Variants in ST6GALNAC4 observed in about 807,000 individuals in gnomAD.
ST6GALNAC4 encodes ST6 N-acetylgalactosaminide alpha-2,6-sialyltransferase 4.
Under a neutral mutation model 30.4 loss-of-function variants are expected in ST6GALNAC4, and 24 were observed. The observed-to-expected ratio is 0.79, with a 90% CI of 0.57 to 1.11. The LOEUF (loss-of-function observed/expected upper bound fraction) is 1.11, where lower values mean the gene tolerates loss of function less well. Among genes scored for constraint, ST6GALNAC4 ranks in the 50% most tolerant of loss-of-function variants. ST6GALNAC4 has a pLI of 0.00. For missense variants in ST6GALNAC4, 365 were observed against 430.1 expected, an observed-to-expected ratio of 0.85 and a Z score of 1.34; for synonymous variants, 156 against 179.7, an observed-to-expected ratio of 0.87 and a Z score of 1.05.
chr9:127,912,175 G>GCC, intron 4 of ST6GALNAC4, 93 bp downstream of exon 4: 1 of 1,487,476 alleles, frequency 6.7e-7, no homozygotes, highest in East Asian at 2.3e-5. Flanking sequence ...GACCTCCCGG[G>GCC]CCTGACAGAG....
At chr9:127,910,471 C>T in intron 4 of ST6GALNAC4, 1 of 1,024,032 alleles carries the variant, frequency 9.8e-7, no homozygotes, top group Non-Finnish European at 1.2e-6. Context: ...CACTTGAACC[C>T]TGGCTCTGCT....
rs528535802 is a variant in ST6GALNAC4, at chr9:127,914,485, C to T, written c.198+171G>A. ...TAGCCTGGGAGAAACAGAAAGACTC[C>T]GTCTCAAAAAAAAAAAAAAAAAAAA... is the stretch of plus-strand genomic sequence containing the variant. On this transcript the variant is annotated intron_variant, in intron 3 of 5. Coordinates refer to ENST00000335791, the MANE Select transcript of ST6GALNAC4 (RefSeq NM_175039.4). Among the ~76,000 whole-genome samples the T allele has an allele frequency of 1.6e-3, 142 of 87,198 alleles. 1 individual carries two copies. Among genetic ancestry groups the T allele is most frequent in the African/African-American group, 5.8e-3 (138 of 23,808 alleles). The allele number at this position is 87,198 out of a possible 152,430, so 57.2% of individuals were successfully genotyped here.
chr9:127,916,133 C>G, intron 2 of ST6GALNAC4: 1 of 558,948 alleles, frequency 1.8e-6, no homozygotes, highest in Non-Finnish European at 3.2e-6. Context: ...CTGAACTTCA[C>G]AACCCCAGTT....
chr9:127,912,335 A>G lies in ST6GALNAC4; in HGVS notation c.544T>C (p.Tyr182His), dbSNP rs1251594440. Residue 182 changes from tyrosine (Y) to histidine (H), a missense_variant, in exon 4 of 6, where the codon TAC (tyrosine) becomes CAC (histidine). Physicochemically the swap from Tyr to His is moderately conservative, Grantham distance 83 (BLOSUM62 2). Transcript: ENST00000335791. ...GCCATCATGCGCTCCGTGAAGGTGT[A>G]CACCTGCAGGCCGGGGTACATCCTG... ...LTRMYPGLQV[Y>H]TFTERMMAYC... 1 of 1,613,970 alleles carries G rather than the reference A, an allele frequency of 6.2e-7. No individual in the cohort carries two copies. The highest frequency in any genetic ancestry group is 8.5e-7 in the Non-Finnish European group (1 of 1,180,028).
Position 127,914,708 on chromosome 9 carries a change from G to A in ST6GALNAC4, c.146C>T (p.Thr49Ile), listed in dbSNP as rs1450057961. 2 of 1,612,826 alleles carry A rather than the reference G, an allele frequency of 1.2e-6. No homozygotes were observed. Among genetic ancestry groups the A allele is most frequent in the Admixed American group, 1.7e-5 (1 of 59,928 alleles). Residue 49 changes from threonine (T) to isoleucine (I), a missense_variant, in exon 3 of 6, where the codon ACT (threonine) becomes ATT (isoleucine). By Grantham distance (89) the Thr-to-Ile change is moderately conservative. Transcript: ENST00000335791. ...DHHFPTGSRP[T>I]VPGPLHFSGY... is the part of the protein sequence containing the mutation. Reference sequence around the variant, plus strand: ...ACTGAAGTGCAGGGGTCCCGGCACAGTGGGCCTGGAGCCTGTGGGGAAGTG... The same window carrying A: ...ACTGAAGTGCAGGGGTCCCGGCACAATGGGCCTGGAGCCTGTGGGGAAGTG...
chr9:127,913,920 G>T (rs947873354), intron 3 of ST6GALNAC4, among the ~76,000 whole-genome samples: 1 of 152,220 alleles, frequency 6.6e-6, no homozygotes, highest in South Asian at 2.1e-4. Flanking sequence ...CCGAGCGCAT[G>T]ATGGCCTACT....
chr9:127,914,407 A>AG (rs1308549640), intron 3 of ST6GALNAC4, among the ~76,000 whole-genome samples: 1 of 149,372 alleles, frequency 6.7e-6, no homozygotes, highest in Non-Finnish European at 1.5e-5. Context: ...AAAAAAAAAA[A>AG]AAATCTCTTT....
At chr9:127,913,840 G>A (rs919164050) in intron 3 of ST6GALNAC4, among the ~76,000 whole-genome samples, 3 of 152,074 alleles carry the variant, frequency 2.0e-5, no homozygotes, top group Non-Finnish European at 4.4e-5. Context: ...CGGGGTGCTC[G>A]GCGGCCACAC....
chr9:127,914,680 T>C lies in ST6GALNAC4; in HGVS notation c.174A>G (p.Gly58=). 1 of 1,612,786 alleles carries C rather than the reference T, an allele frequency of 6.2e-7. No homozygotes were observed. Among genetic ancestry groups the C allele is most frequent in the Non-Finnish European group, 8.5e-7 (1 of 1,179,418 alleles). ...PTVPGPLHFS[G]YSSVPDGKPL... is the part of the protein sequence containing the mutation. ...CCTTCCCATCTGGCACACTGCTATA[T>C]CCACTGAAGTGCAGGGGTCCCGGCA... The change falls in exon 3 of 6, where the codon GGA becomes GGG. Residue 58 remains glycine (G), a synonymous_variant. Transcript: ENST00000335791.
At position 127,914,716 on chromosome 9, in the gene ST6GALNAC4, G is replaced by A; in HGVS notation, c.138C>T (p.Ser46=). ...GCAGGGGTCCCGGCACAGTGGGCCT[G>A]GAGCCTGTGGGGAAGTGGTGGTCCA... ...TCLDHHFPTG[S]RPTVPGPLHF... is the part of the protein sequence containing the mutation. The change falls in exon 3 of 6, where the codon TCC becomes TCT. Residue 46 remains serine (S), a synonymous_variant. Transcript: ENST00000335791. 2 of 1,611,918 alleles carry A rather than the reference G, an allele frequency of 1.2e-6. No homozygotes were observed. Among genetic ancestry groups the A allele is most frequent in the Non-Finnish European group, 1.7e-6 (2 of 1,178,952 alleles).
intron 4 of ST6GALNAC4, among the ~76,000 whole-genome samples, 187 bp downstream of exon 4, chr9:127,912,081 C>T (rs1004443389): frequency 6.6e-6 from 1 of 152,228 alleles, no homozygotes; most frequent in African/African-American, 2.4e-5. Context: ...GATTCTAGAT[C>T]TGTGTGACAG....
intron 2 of ST6GALNAC4, among the ~76,000 whole-genome samples, chr9:127,915,684 T>G (rs1186644240): frequency 2.6e-5 from 4 of 152,106 alleles, no homozygotes; most frequent in Non-Finnish European, 5.9e-5. Context: ...GGGGAAGGGC[T>G]TGGTGGCAGC....
rs1163764125 is a variant in ST6GALNAC4 at position 127,916,827 on chromosome 9, T to A, written c.-77A>T. 1 of 257,854 alleles carries A rather than the reference T, an allele frequency of 3.9e-6. No homozygotes were observed. The highest frequency in any genetic ancestry group is 2.2e-5 in the African/African-American group (1 of 45,374). 16.0% of individuals were successfully genotyped at this position (257,854 alleles called of 1,614,324 possible). ...GGAATTCCACCCCATCCATCCTACC[T>A]CTCTACCCGGGGGACGAATGGAGAG... is the stretch of plus-strand genomic sequence containing the variant. On this transcript the variant is annotated splice_region_variant and 5_prime_UTR_variant, in exon 1 of 6. Transcript: ENST00000335791.
chr9:127,914,861 T>C lies in ST6GALNAC4; in HGVS notation c.13-20A>G. The C allele has an allele frequency of 6.2e-6, 9 of 1,451,224 alleles. No homozygotes were observed. Among genetic ancestry groups the C allele is most frequent in the Non-Finnish European group, 8.2e-6 (9 of 1,095,318 alleles). The allele number at this position is 1,451,224 out of a possible 1,614,324, so 89.9% of individuals were successfully genotyped here. A position where few individuals can be genotyped will look rare whatever the true frequency, so the allele number is the denominator to read the frequency against. ...CCGACCCTGAGGGAGACAGTGGCCA[T>C]GGGGGGGTGTATGTGGGGAGGGGCT... On this transcript the variant is annotated intron_variant, in intron 2 of 5. Coordinates refer to ENST00000335791, the MANE Select transcript of ST6GALNAC4 (RefSeq NM_175039.4).
chr9:127,915,035 A>T (rs1006264135), intron 2 of ST6GALNAC4, among the ~76,000 whole-genome samples, 194 bp from the exon 3 acceptor site: 13 of 152,162 alleles, frequency 8.5e-5, no homozygotes, highest in Admixed American at 8.5e-4. Flanking sequence ...AAGGCCCCGG[A>T]GATAACACTG....
At chr9:127,916,045 T>C (rs1564133445) in intron 2 of ST6GALNAC4, 1 of 368,410 alleles carries the variant, frequency 2.7e-6, no homozygotes, top group African/African-American at 2.1e-5. Flanking sequence ...ACTCAGGCAG[T>C]CGAGATGAAC....
chr9:127,910,041 A>G lies in ST6GALNAC4; in HGVS notation c.629T>C (p.Phe210Ser). ...CATGGTGAACCAGCCGGTGCTGAGG[A>G]AGGAGCCCGACTGCCTCCTGGGGGT... ...TGKNRRQSGS[F>S]LSTGWFTMIL... Residue 210 changes from phenylalanine (F) to serine (S), a missense_variant, in exon 5 of 6, where the codon TTC becomes TCC. Coordinates refer to ENST00000335791, the MANE Select transcript of ST6GALNAC4 (RefSeq NM_175039.4). 6.2e-7 allele frequency: 1 copy of G among 1,613,418 alleles called. No individual in the cohort carries two copies. The highest frequency in any genetic ancestry group is 8.5e-7 in the Non-Finnish European group (1 of 1,179,916).
chr9:127,908,601 G>T lies in ST6GALNAC4; in HGVS notation c.720-20C>A, dbSNP rs757067415. The T allele has an allele frequency of 3.2e-6, 5 of 1,550,038 alleles. No homozygotes were observed. The highest frequency in any genetic ancestry group is 1.7e-4 in the Middle Eastern group (1 of 5,792). On this transcript the variant is annotated intron_variant, in intron 5 of 5. Transcript: ENST00000335791. ...TTCTCCCTGCGGGGTGGGGAACAGGGCTGGGGTGGGACAGAACCCACTCGC... is the reference window on the plus strand; with the variant it reads ...TTCTCCCTGCGGGGTGGGGAACAGGTCTGGGGTGGGACAGAACCCACTCGC...
intron 3 of ST6GALNAC4, among the ~76,000 whole-genome samples, chr9:127,913,258 G>C (rs970451477): frequency 6.6e-6 from 1 of 152,216 alleles, no homozygotes; most frequent in Non-Finnish European, 1.5e-5. Context: ...GCCTCTGTGC[G>C]CCTCAAGTCT....
Sources: gnomAD v4.1 joint callset for allele counts (sites outside exome capture counted in the v4.1 genomes callset) on GRCh38, gnomAD v4.1.1 for gene constraint, MANE v1.5 for transcripts, NCBI Gene and HGNC (gene_info 2026-07-23, HGNC 2026-07-21) for gene names.